The following LINGO2 variants were observed in gnomAD, a reference collection of about 807,000 sequenced individuals.
The protein encoded by LINGO2 is leucine rich repeat and Ig domain containing 2.
LINGO2 carries 14 observed loss-of-function variants against 30.6 expected under a neutral mutation model. That is an observed-to-expected ratio of 0.46 (90% CI 0.30 to 0.72). LINGO2 has a LOEUF of 0.72. Ranked by LOEUF, LINGO2 falls within the 30% of genes least tolerant of loss-of-function variation. The pLI, the probability that LINGO2 is intolerant of heterozygous loss-of-function variation, is 0.07. For synonymous variants in LINGO2, 317 were observed against 288.5 expected (o/e 1.10, Z -1.00); for missense variants, 729 against 751.7 (o/e 0.97, Z 0.35).
intron 4 of LINGO2, among the ~76,000 whole-genome samples, chr9:28,212,162 T>C (rs1280969954): frequency 6.6e-6 from 1 of 151,464 alleles, no homozygotes; most frequent in Non-Finnish European, 1.5e-5. Context: ...GTATTTTTAA[T>C]AAAAGTCCTA....
chr9:28,496,317 G>C (rs1037850338), intron 1 of LINGO2, among the ~76,000 whole-genome samples: 1 of 152,050 alleles, frequency 6.6e-6, no homozygotes, highest in African/African-American at 2.4e-5. Flanking sequence ...AGGTCTCTAA[G>C]GACTTGCTTT....
the LINGO2 span, among the ~76,000 whole-genome samples, chr9:29,120,111 T>C: frequency 6.6e-6 from 1 of 152,182 alleles, no homozygotes; most frequent in East Asian, 1.9e-4. Flanking sequence ...TATACTCATG[T>C]ATTTTGAAGG....
chr9:28,929,191 C>T, the LINGO2 span, among the ~76,000 whole-genome samples: 1 of 152,176 alleles, frequency 6.6e-6, no homozygotes, highest in East Asian at 1.9e-4. Flanking sequence ...GTTGCCTGCT[C>T]CACACCTTAT....
At chr9:28,997,618 T>C in the LINGO2 span, among the ~76,000 whole-genome samples, 1 of 152,074 alleles carries the variant, frequency 6.6e-6, no homozygotes, top group Non-Finnish European at 1.5e-5. Flanking sequence ...GGTCAGGAGA[T>C]CGAGACCATC....
At chr9:28,399,226 T>C (rs1822167832) in intron 2 of LINGO2, among the ~76,000 whole-genome samples, 1 of 152,196 alleles carries the variant, frequency 6.6e-6, no homozygotes, top group Admixed American at 6.5e-5. Flanking sequence ...CTAGCAAACC[T>C]TTCTTCTGGG....
downstream of LINGO2, among the ~76,000 whole-genome samples, chr9:27,946,391 A>C (rs1057135249): frequency 4.1e-4 from 63 of 152,290 alleles, no homozygotes; most frequent in African/African-American, 1.5e-3. Context: ...TCTTCCAATA[A>C]AATGAATAGT....
chr9:28,554,295 T>C (rs1481288701), intron 1 of LINGO2, among the ~76,000 whole-genome samples: 2 of 149,924 alleles, frequency 1.3e-5, no homozygotes, highest in Admixed American at 6.7e-5. Context: ...AATAAAAGGA[T>C]GGAGGAAGAT....
chr9:27,999,772 C>T (rs1407897565), intron 5 of LINGO2, among the ~76,000 whole-genome samples: 4 of 152,060 alleles, frequency 2.6e-5, no homozygotes, highest in Non-Finnish European at 5.9e-5. Context: ...ATGCTGACTT[C>T]TAGGACTTGG....
the LINGO2 span, among the ~76,000 whole-genome samples, chr9:28,853,302 G>A: frequency 1.3e-5 from 2 of 151,946 alleles, no homozygotes; most frequent in Non-Finnish European, 2.9e-5. Flanking sequence ...TGTCTTATCT[G>A]CACTCATACA....
chr9:28,458,101 T>C (rs1205626449), intron 2 of LINGO2, among the ~76,000 whole-genome samples: 2 of 152,208 alleles, frequency 1.3e-5, no homozygotes, highest in African/African-American at 2.4e-5. Flanking sequence ...GATTTAGGAA[T>C]TGGTGGGACT....
intron 3 of LINGO2, among the ~76,000 whole-genome samples, chr9:28,364,784 T>C (rs1245274922): frequency 6.6e-6 from 1 of 152,228 alleles, no homozygotes; most frequent in Non-Finnish European, 1.5e-5. Context: ...TGTCCAGATG[T>C]GCAAGATGCT....
At chr9:28,900,019 C>T in the LINGO2 span, among the ~76,000 whole-genome samples, 1 of 152,330 alleles carries the variant, frequency 6.6e-6, no homozygotes, top group East Asian at 1.9e-4. Flanking sequence ...AGGACTCAGG[C>T]CGACAGCCTC....
At chr9:28,939,261 C>T in the LINGO2 span, among the ~76,000 whole-genome samples, 6 of 152,130 alleles carry the variant, frequency 3.9e-5, no homozygotes, top group Non-Finnish European at 8.8e-5. Flanking sequence ...TCTGCTAGGA[C>T]CTCCCTCAAA....
the LINGO2 span, among the ~76,000 whole-genome samples, chr9:29,177,125 A>G: frequency 6.6e-6 from 1 of 152,194 alleles, no homozygotes; most frequent in Non-Finnish European, 1.5e-5. Context: ...TAAATATTAC[A>G]CTAAAAAGAA....
chr9:28,322,599 A>G (rs1274129162), intron 3 of LINGO2, among the ~76,000 whole-genome samples: 2 of 152,218 alleles, frequency 1.3e-5, no homozygotes, highest in Non-Finnish European at 2.9e-5. Context: ...ACATTTATGT[A>G]TGGCATAATT....
chr9:28,315,409 A>G (rs796944096), intron 3 of LINGO2, among the ~76,000 whole-genome samples: 5 of 151,902 alleles, frequency 3.3e-5, no homozygotes, highest in African/African-American at 1.2e-4. Flanking sequence ...CTCGGGGAAA[A>G]AAAAAAAAAA....
At chr9:28,117,677 G>C (rs1233788654) in intron 4 of LINGO2, among the ~76,000 whole-genome samples, 2 of 136,946 alleles carry the variant, frequency 1.5e-5, no homozygotes, top group African/African-American at 5.6e-5. Context: ...CGATTTTCCA[G>C]GTGCGTCCGT....
At chr9:28,677,427 A>G in the LINGO2 span, among the ~76,000 whole-genome samples, 2 of 152,160 alleles carry the variant, frequency 1.3e-5, no homozygotes, top group African/African-American at 2.4e-5. Context: ...CATACTCACA[A>G]TATTGGTAGA....
intron 4 of LINGO2, among the ~76,000 whole-genome samples, chr9:28,141,681 C>A (rs555194010): frequency 3.3e-5 from 5 of 152,102 alleles, no homozygotes; most frequent in Non-Finnish European, 7.4e-5. Context: ...CTTTGGGAGG[C>A]TGAGGCGGGC....
Sources: gnomAD v4.1 joint callset for allele counts (sites outside exome capture counted in the v4.1 genomes callset) on GRCh38, gnomAD v4.1.1 for gene constraint, MANE v1.5 for transcripts, NCBI Gene and HGNC (gene_info 2026-07-23, HGNC 2026-07-21) for gene names.